GABRG3: variants seen among roughly 807,000 people sequenced by gnomAD.
The protein encoded by GABRG3 is gamma-aminobutyric acid receptor subunit gamma-3.
A neutral mutation model predicts 48.8 loss-of-function variants in GABRG3; 25 were observed. That is an observed-to-expected ratio of 0.51 (90% CI 0.37 to 0.72). The LOEUF (loss-of-function observed/expected upper bound fraction) is 0.72, where lower values mean the gene tolerates loss of function less well. Ranked by LOEUF, GABRG3 falls within the 30% of genes least tolerant of loss-of-function variation. The pLI is 0.00. For missense variants in GABRG3, 394 were observed against 577.9 expected (o/e 0.68, Z 3.26); for synonymous variants, 227 against 217.6 (o/e 1.04, Z -0.38).
chr15:27,465,527 A>T (rs1010581210), intron 5 of GABRG3, among the ~76,000 whole-genome samples: 4 of 152,122 alleles, frequency 2.6e-5, no homozygotes, highest in Non-Finnish European at 5.9e-5. Flanking sequence ...AAGTCAGGAG[A>T]TTTTATACCG....
chr15:27,097,386 G>A (rs1048707082), intron 3 of GABRG3, among the ~76,000 whole-genome samples: 2 of 152,134 alleles, frequency 1.3e-5, no homozygotes, highest in Admixed American at 6.5e-5. Flanking sequence ...TATCTTCCCT[G>A]TAGACACAGC....
rs755740949 is a variant in GABRG3 at position 27,527,540 on chromosome 15, C to A, written c.973C>A (p.Leu325Met). The A allele has an allele frequency of 2.5e-6, 4 of 1,614,036 alleles. No individual in the cohort carries two copies. ...AMDLFVTVCF[L>M]FVFAALMEYA... ...GGACCTTTTTGTGACCGTGTGCTTC[C>A]TGTTTGTCTTCGCCGCGCTGATGGA... Residue 325 changes from leucine (L) to methionine (M), a missense_variant, in exon 8 of 10, where the codon CTG (leucine) becomes ATG (methionine). Physicochemically the swap from Leu to Met is conservative, Grantham distance 15. Coordinates refer to ENST00000615808, the MANE Select transcript of GABRG3 (RefSeq NM_033223.5).
intron 6 of GABRG3, among the ~76,000 whole-genome samples, chr15:27,501,214 GTGC>G (rs1566869420): frequency 6.6e-6 from 1 of 152,170 alleles, no homozygotes; most frequent in East Asian, 1.9e-4. Flanking sequence ...GCCTCCCAAA[GTGC>G]TAGGATTACA....
At chr15:27,348,558 G>T (rs182952184) in intron 5 of GABRG3, among the ~76,000 whole-genome samples, 2 of 152,062 alleles carry the variant, frequency 1.3e-5, no homozygotes, top group African/African-American at 4.8e-5. Flanking sequence ...TGAGTCATAG[G>T]GTGTAGTCAA....
At chr15:27,059,999 T>C (rs1896618814) in intron 3 of GABRG3, among the ~76,000 whole-genome samples, 1 of 152,230 alleles carries the variant, frequency 6.6e-6, no homozygotes, top group East Asian at 1.9e-4. Flanking sequence ...TAACCTTTAG[T>C]AATGCTATAA....
Position 27,346,122 on chromosome 15 carries a change from GAGAA to G in GABRG3, c.574+17248_574+17251del, listed in dbSNP as rs1355128956. On this transcript the variant is annotated intron_variant, in intron 5 of 9. Transcript: ENST00000615808. ...AGGAAAGAAAGAGAAAGGAAAGAAA[GAGAA>G]AGAAAGAAAGAAAAGAAAGAAGGAA... 2.7e-4 allele frequency among the ~76,000 whole-genome samples: 39 copies of G among 146,506 alleles called. No homozygotes were observed. In the South Asian group the frequency reaches 4.4e-3, roughly 17 times the overall value.
intron 7 of GABRG3, among the ~76,000 whole-genome samples, chr15:27,520,694 T>A (rs544474710): frequency 6.3e-5 from 8 of 126,196 alleles, no homozygotes; most frequent in African/African-American, 2.8e-4. Flanking sequence ...GCAACGTGTA[T>A]TATGTCAGGT....
chr15:27,167,797 C>T (rs933603663), intron 3 of GABRG3, among the ~76,000 whole-genome samples: 6 of 152,292 alleles, frequency 3.9e-5, no homozygotes, highest in African/African-American at 7.2e-5. Flanking sequence ...TCTCTGATTG[C>T]GCTGCATCGG....
intron 5 of GABRG3, among the ~76,000 whole-genome samples, chr15:27,448,181 A>T (rs534962128): frequency 7.6e-4 from 116 of 152,310 alleles, no homozygotes; most frequent in Non-Finnish European, 1.5e-3. Flanking sequence ...ATATCTGAGA[A>T]AACTGTAATA....
At chr15:27,038,786 GGAT>G (rs932383552) in intron 3 of GABRG3, among the ~76,000 whole-genome samples, 124 of 152,264 alleles carry the variant, frequency 8.1e-4, no homozygotes, top group African/African-American at 2.7e-3. Flanking sequence ...GGGGAGTTGG[GGAT>G]GTCAGAGTGA....
At chr15:27,017,782 G>A (rs1455796099) in intron 2 of GABRG3, among the ~76,000 whole-genome samples, 2 of 152,170 alleles carry the variant, frequency 1.3e-5, no homozygotes, top group Non-Finnish European at 1.5e-5. Flanking sequence ...TCTCACAGAG[G>A]CAGTTGGTCT....
chr15:27,063,068 A>G (rs1387695881), intron 3 of GABRG3, among the ~76,000 whole-genome samples: 2 of 152,130 alleles, frequency 1.3e-5, no homozygotes, highest in Non-Finnish European at 2.9e-5. Flanking sequence ...TTTCCCCCCC[A>G]ATGAGGAATG....
chr15:27,519,666 C>G (rs1193259775), intron 6 of GABRG3, among the ~76,000 whole-genome samples: 1 of 152,146 alleles, frequency 6.6e-6, no homozygotes, highest in Non-Finnish European at 1.5e-5. Context: ...TGGAAGGACT[C>G]AAGTGATAAT....
At chr15:27,382,201 A>G (rs1339707264) in intron 5 of GABRG3, among the ~76,000 whole-genome samples, 13 of 152,230 alleles carry the variant, frequency 8.5e-5, no homozygotes, top group Admixed American at 8.5e-4. Flanking sequence ...AAATACAGCA[A>G]TAAATCAAAT....
intron 6 of GABRG3, among the ~76,000 whole-genome samples, chr15:27,488,419 C>G (rs936629214): frequency 6.6e-6 from 1 of 152,142 alleles, no homozygotes; most frequent in African/African-American, 2.4e-5. Context: ...AATTCCAGGC[C>G]TGCACTCATA....
At chr15:27,371,158 A>G (rs191297939) in intron 5 of GABRG3, among the ~76,000 whole-genome samples, 32 of 149,070 alleles carry the variant, frequency 2.1e-4, no homozygotes, top group South Asian at 6.4e-4. Context: ...CATTTTGTGG[A>G]AAAAAAAAAG....
At chr15:27,314,033 C>T (rs1320697375) in intron 3 of GABRG3, among the ~76,000 whole-genome samples, 9 of 151,540 alleles carry the variant, frequency 5.9e-5, no homozygotes, top group Non-Finnish European at 1.3e-4. Flanking sequence ...AGAGTGTTTT[C>T]AAAAGATAAA....
At chr15:27,165,909 G>A (rs1326721629) in intron 3 of GABRG3, among the ~76,000 whole-genome samples, 2 of 152,094 alleles carry the variant, frequency 1.3e-5, no homozygotes, top group South Asian at 2.1e-4. Flanking sequence ...TTCTAGGTAG[G>A]GGTGGGCATG....
At chr15:27,140,588 T>A (rs1299729521) in intron 3 of GABRG3, among the ~76,000 whole-genome samples, 2 of 152,166 alleles carry the variant, frequency 1.3e-5, no homozygotes, top group South Asian at 2.1e-4. Context: ...TAGGTTTTTT[T>A]AAATTTTATT....
Sources: allele counts gnomAD v4.1 joint callset (sites outside exome capture counted in the v4.1 genomes callset), GRCh38; gene constraint gnomAD v4.1.1; transcripts MANE v1.5; gene names NCBI Gene and HGNC (gene_info 2026-07-23, HGNC 2026-07-21).